TMTC2: variants seen among roughly 807,000 people sequenced by gnomAD.
TMTC2 encodes the protein transmembrane O-mannosyltransferase targeting cadherins 2, also known as protein O-mannosyl-transferase TMTC2.
Under a neutral mutation model 82.4 loss-of-function variants are expected in TMTC2, and 43 were observed. The ratio of observed to expected loss-of-function variants is 0.52; its 90% CI spans 0.41 to 0.67. The LOEUF is 0.67. Ranked by LOEUF, TMTC2 falls within the 30% of genes least tolerant of loss-of-function variation. The pLI is 0.00. For synonymous variants in TMTC2, 408 were observed against 381.9 expected (o/e 1.07, Z -0.80); for missense variants, 919 against 1,012.4 (o/e 0.91, Z 1.25).
chr12:82,814,265 C>T (rs986227684), intron 1 of TMTC2, among the ~76,000 whole-genome samples: 4 of 152,044 alleles, frequency 2.6e-5, no homozygotes, highest in Admixed American at 2.6e-4. Context: ...ACAAAGACTT[C>T]CTGGAGGAAA....
chr12:83,033,490 C>T (rs1182308094), intron 9 of TMTC2, among the ~76,000 whole-genome samples: 6 of 152,138 alleles, frequency 3.9e-5, no homozygotes, highest in South Asian at 4.1e-4. Context: ...CGGCGGCTCA[C>T]GCCTGCAATC....
At chr12:82,806,701 TAA>T (rs1416936156) in intron 1 of TMTC2, among the ~76,000 whole-genome samples, 15 of 151,382 alleles carry the variant, frequency 9.9e-5, no homozygotes, top group Non-Finnish European at 2.2e-4. Flanking sequence ...GGAAATATCT[TAA>T]GAGAGAAAAA....
intron 1 of TMTC2, among the ~76,000 whole-genome samples, chr12:82,822,608 A>G (rs1181523524): frequency 2.6e-5 from 4 of 152,212 alleles, no homozygotes; most frequent in Admixed American, 1.3e-4. Flanking sequence ...ATCCCTTGCT[A>G]TACAGGTCTG....
chr12:83,095,301 C>T (rs10862581), intron 11 of TMTC2, among the ~76,000 whole-genome samples: 79,134 of 149,362 alleles, frequency 0.53, 22,468 homozygotes, highest in South Asian at 0.64. Context: ...AGTGCAGTGG[C>T]GTGATCTCGG....
intron 2 of TMTC2, among the ~76,000 whole-genome samples, chr12:82,861,882 T>C (rs763975424): frequency 3.3e-5 from 5 of 152,216 alleles, no homozygotes; most frequent in Non-Finnish European, 7.4e-5. Flanking sequence ...TCCTTCACCA[T>C]ACATCTGGCT....
At chr12:82,904,440 T>C (rs1238300186) in intron 3 of TMTC2, among the ~76,000 whole-genome samples, 4 of 152,200 alleles carry the variant, frequency 2.6e-5, no homozygotes, top group Non-Finnish European at 4.4e-5. Flanking sequence ...CCTGTCATAG[T>C]GACTGTGCTG....
At chr12:83,029,329 A>T (rs10862569) in intron 8 of TMTC2, among the ~76,000 whole-genome samples, 89,530 of 151,636 alleles carry the variant, frequency 0.59, 26,904 homozygotes, top group South Asian at 0.73. Context: ...GAACCTTTTT[A>T]AAAAAAAACT....
chr12:82,722,615 G>A (rs1256750533), intron 1 of TMTC2, among the ~76,000 whole-genome samples: 1 of 147,214 alleles, frequency 6.8e-6, no homozygotes, highest in Non-Finnish European at 1.5e-5. Flanking sequence ...GGTGGTGCAC[G>A]CCTGTGATCC....
intron 3 of TMTC2, among the ~76,000 whole-genome samples, chr12:82,929,151 T>C (rs1007256500): frequency 2.0e-5 from 3 of 152,100 alleles, no homozygotes; most frequent in Admixed American, 6.6e-5. Context: ...CATGGCTCAC[T>C]GTAGCCTCGA....
intron 1 of TMTC2, among the ~76,000 whole-genome samples, chr12:82,779,036 C>CAAA (rs1196960733): frequency 2.7e-5 from 2 of 75,160 alleles, no homozygotes; most frequent in African/African-American, 4.4e-5. Context: ...GACTCCATAT[C>CAAA]AAAAAAAAAA....
chr12:82,887,400 G>T (rs1873154436), intron 2 of TMTC2, among the ~76,000 whole-genome samples: 1 of 152,120 alleles, frequency 6.6e-6, no homozygotes, highest in Non-Finnish European at 1.5e-5. Flanking sequence ...CCCCATAGAA[G>T]GGAATAATTC....
intron 1 of TMTC2, among the ~76,000 whole-genome samples, chr12:82,726,239 C>T (rs906760900): frequency 6.6e-6 from 1 of 152,140 alleles, no homozygotes; most frequent in Non-Finnish European, 1.5e-5. Context: ...CCCTAGACCC[C>T]TCAGATAGGA....
chr12:82,835,865 C>A (rs1321050435), intron 1 of TMTC2, among the ~76,000 whole-genome samples: 2 of 152,186 alleles, frequency 1.3e-5, no homozygotes, highest in Non-Finnish European at 2.9e-5. Context: ...TCCGCATGGT[C>A]CAGCTTATGG....
At chr12:83,040,460 C>G (rs1012972384) in intron 9 of TMTC2, among the ~76,000 whole-genome samples, 2 of 152,066 alleles carry the variant, frequency 1.3e-5, no homozygotes, top group African/African-American at 4.8e-5. Context: ...AAGGGGGAGG[C>G]AAGGCACCAG....
intron 11 of TMTC2, among the ~76,000 whole-genome samples, chr12:83,078,383 T>C (rs1202857346): frequency 1.3e-5 from 2 of 152,186 alleles, no homozygotes; most frequent in African/African-American, 4.8e-5. Context: ...AATGTGGGAA[T>C]CAACAGCTGC....
intron 8 of TMTC2, among the ~76,000 whole-genome samples, chr12:83,017,813 G>GAAAAAAAAA (rs5799609): frequency 7.0e-6 from 1 of 142,512 alleles, no homozygotes; most frequent in Non-Finnish European, 1.5e-5. Context: ...ATTTATAACT[G>GAAAAAAAAA]AAAAAAAAAA....
chr12:82,878,176 C>T (rs1872673257), intron 2 of TMTC2, among the ~76,000 whole-genome samples: 1 of 152,182 alleles, frequency 6.6e-6, no homozygotes, highest in Non-Finnish European at 1.5e-5. Context: ...AGGTGCTGGT[C>T]TAGTTGCTAT....
At chr12:82,976,068 C>T (rs1878657289) in intron 7 of TMTC2, among the ~76,000 whole-genome samples, 1 of 152,264 alleles carries the variant, frequency 6.6e-6, no homozygotes, top group East Asian at 1.9e-4. Context: ...AATATGCACA[C>T]ACACCACACT....
At chr12:82,737,699 C>T (rs960713199) in intron 1 of TMTC2, among the ~76,000 whole-genome samples, 1 of 152,066 alleles carries the variant, frequency 6.6e-6, no homozygotes, top group African/African-American at 2.4e-5. Context: ...AAAGCTTTTC[C>T]AGCTACAGGT....
Sources: gnomAD v4.1 joint callset for allele counts (sites outside exome capture counted in the v4.1 genomes callset) on GRCh38, gnomAD v4.1.1 for gene constraint, MANE v1.5 for transcripts, NCBI Gene and HGNC (gene_info 2026-07-23, HGNC 2026-07-21) for gene names.